TACC2: variants seen among roughly 807,000 people sequenced by gnomAD.
TACC2 encodes transforming acidic coiled-coil-containing protein 2.
TACC2 carries 137 observed loss-of-function variants against 227.3 expected under a neutral mutation model. The ratio of observed to expected loss-of-function variants is 0.60; its 90% CI spans 0.52 to 0.69. The LOEUF (loss-of-function observed/expected upper bound fraction) is 0.69, where lower values mean the gene tolerates loss of function less well. Ranked by LOEUF, TACC2 falls within the 30% of genes least tolerant of loss-of-function variation. The pLI, the probability that TACC2 is intolerant of heterozygous loss-of-function variation, is 0.00. For synonymous variants in TACC2, 1,523 were observed against 1,487.5 expected, an observed-to-expected ratio of 1.02 and a Z score of -0.55; for missense variants, 3,470 against 3,694.4, an observed-to-expected ratio of 0.94 and a Z score of 1.57.
At chr10:122,156,302 C>G (rs181159147) in intron 7 of TACC2, among the ~76,000 whole-genome samples, 1 of 151,482 alleles carries the variant, frequency 6.6e-6, no homozygotes, top group Non-Finnish European at 1.5e-5. Context: ...CGGCTCACTG[C>G]AAGCTCCGCT....
intron 7 of TACC2, among the ~76,000 whole-genome samples, chr10:122,174,506 G>A (rs2093618781): frequency 1.3e-5 from 2 of 152,162 alleles, no homozygotes; most frequent in African/African-American, 4.8e-5. Context: ...TGTTGCTAAA[G>A]AATTCTGTAG....
intron 3 of TACC2, among the ~76,000 whole-genome samples, chr10:122,063,132 A>C (rs1278951769): frequency 6.6e-6 from 1 of 152,214 alleles, no homozygotes; most frequent in Non-Finnish European, 1.5e-5. Flanking sequence ...AATCCTTAAC[A>C]TTTAGTTTTC....
At chr10:122,004,941 A>AT (rs1236939506) in intron 1 of TACC2, among the ~76,000 whole-genome samples, 2 of 151,946 alleles carry the variant, frequency 1.3e-5, no homozygotes, top group Non-Finnish European at 2.9e-5. Flanking sequence ...TTAGATGTAT[A>AT]TTTACCTATT....
intron 6 of TACC2, among the ~76,000 whole-genome samples, chr10:122,143,236 TA>T (rs1270636557): frequency 5.3e-5 from 8 of 152,094 alleles, no homozygotes; most frequent in African/African-American, 7.2e-5. Context: ...GAAATCATCA[TA>T]AAAAAAATCC....
intron 3 of TACC2, among the ~76,000 whole-genome samples, chr10:122,053,188 G>C (rs148613021): frequency 6.6e-6 from 1 of 152,162 alleles, no homozygotes; most frequent in Non-Finnish European, 1.5e-5. Flanking sequence ...ACAGTTCCAC[G>C]TGGCTGGGGA....
At chr10:122,207,958 G>T (rs1163856791) in intron 8 of TACC2, among the ~76,000 whole-genome samples, 1 of 152,174 alleles carries the variant, frequency 6.6e-6, no homozygotes. Context: ...GCATCCCCTG[G>T]TCCTCTGTTC....
At chr10:122,177,566 T>G (rs1592971469) in intron 7 of TACC2, among the ~76,000 whole-genome samples, 1 of 152,186 alleles carries the variant, frequency 6.6e-6, no homozygotes, top group East Asian at 1.9e-4. Context: ...GGTAACATAG[T>G]GAGACCTGTC....
chr10:122,098,155 C>G (rs755517930), intron 5 of TACC2, among the ~76,000 whole-genome samples: 8 of 152,088 alleles, frequency 5.3e-5, no homozygotes, highest in African/African-American at 1.2e-4. Flanking sequence ...CCTGTCTGCT[C>G]GCTATGTACC....
chr10:122,101,723 C>CTTTTTTTT (rs1179126977), intron 5 of TACC2, among the ~76,000 whole-genome samples: 67 of 55,744 alleles, frequency 1.2e-3, no homozygotes, highest in African/African-American at 2.8e-3. Context: ...CCATGCCCAG[C>CTTTTTTTT]TTTTTTTTTT....
intron 19 of TACC2, among the ~76,000 whole-genome samples, chr10:122,244,591 G>A (rs1476581745): frequency 1.3e-5 from 2 of 152,132 alleles, no homozygotes; most frequent in Non-Finnish European, 2.9e-5. Flanking sequence ...CACGGTTCAG[G>A]TCAGGGTCTC....
chr10:122,018,116 C>T (rs972878510), intron 1 of TACC2, among the ~76,000 whole-genome samples: 1 of 151,822 alleles, frequency 6.6e-6, no homozygotes, highest in Non-Finnish European at 1.5e-5. Context: ...TCCAACTTCC[C>T]GCTTCTCACC....
intron 2 of TACC2, among the ~76,000 whole-genome samples, chr10:122,046,204 G>A (rs963403656): frequency 1.3e-5 from 2 of 149,438 alleles, no homozygotes; most frequent in Non-Finnish European, 3.0e-5. Context: ...GCTGGGTGTG[G>A]TGGCTCACGC....
At chr10:122,134,966 C>T (rs2089279092) in intron 6 of TACC2, among the ~76,000 whole-genome samples, 1 of 152,228 alleles carries the variant, frequency 6.6e-6, no homozygotes, top group African/African-American at 2.4e-5. Flanking sequence ...TCTTAAGTCT[C>T]CTTTTCCCTG....
intron 8 of TACC2, among the ~76,000 whole-genome samples, chr10:122,203,409 CG>C (rs2094955226): frequency 6.7e-6 from 1 of 148,718 alleles, no homozygotes; most frequent in Non-Finnish European, 1.5e-5. Flanking sequence ...GCTGGCTGGG[CG>C]GGCGGCTGAC....
At chr10:122,136,355 C>T (rs541063686) in intron 6 of TACC2, among the ~76,000 whole-genome samples, 1 of 152,198 alleles carries the variant, frequency 6.6e-6, no homozygotes, top group East Asian at 1.9e-4. Context: ...TGCAATCCCT[C>T]TGCACTTTCT....
intron 3 of TACC2, among the ~76,000 whole-genome samples, chr10:122,075,020 G>A (rs1021174477): frequency 2.6e-5 from 4 of 152,060 alleles, no homozygotes; most frequent in Non-Finnish European, 5.9e-5. Context: ...TGTTGGTGGG[G>A]TTTGGGGAGC....
rs2079908856 is a variant in TACC2, at chr10:122,084,753, T to TG, written c.2257dup (p.Glu753GlyfsTer16). 8.1e-6 allele frequency: 13 copies of TG among 1,613,570 alleles called. No individual in the cohort carries two copies. The highest frequency in any genetic ancestry group is 1.1e-5 in the Non-Finnish European group (13 of 1,180,006). On this transcript the variant is annotated frameshift_variant, in exon 4 of 23. Coordinates refer to ENST00000369005, the MANE Select transcript of TACC2 (RefSeq NM_206862.4). LOFTEE classifies it high-confidence loss of function. The stretch of plus-strand genomic sequence containing the variant: ...AAATAAGGAAGATGGGCAGCTGTGA[T>TG]GGGGAGGGCTTGCTGACGTCCCCAG...
intron 7 of TACC2, among the ~76,000 whole-genome samples, chr10:122,158,349 A>C (rs1281929235): frequency 6.6e-6 from 1 of 152,058 alleles, no homozygotes; most frequent in Non-Finnish European, 1.5e-5. Flanking sequence ...AGATCGTGCC[A>C]CTGCACTCCA....
chr10:122,159,376 A>G (rs1397788196), intron 7 of TACC2, among the ~76,000 whole-genome samples: 2 of 152,166 alleles, frequency 1.3e-5, no homozygotes, highest in Admixed American at 6.5e-5. Context: ...GCACCGCACC[A>G]TTCTCGCCTG....
Sources: allele counts gnomAD v4.1 joint callset (sites outside exome capture counted in the v4.1 genomes callset), GRCh38; gene constraint gnomAD v4.1.1; transcripts MANE v1.5; gene names NCBI Gene and HGNC (gene_info 2026-07-23, HGNC 2026-07-21).